ZNF25: variants seen among roughly 807,000 people sequenced by gnomAD.
ZNF25 encodes the protein zinc finger protein 25.
A neutral mutation model predicts 30.9 loss-of-function variants in ZNF25; 21 were observed. That is an observed-to-expected ratio of 0.68 (90% CI 0.48 to 0.98). The LOEUF is 0.98. Among genes scored for constraint, ZNF25 ranks in the 50% least tolerant of loss-of-function variants. ZNF25 has a pLI of 0.00. For synonymous variants in ZNF25, 169 were observed against 181.3 expected (o/e 0.93, Z 0.55); for missense variants, 501 against 529.9 (o/e 0.95, Z 0.54).
chr10:37,953,763 A>G lies in ZNF25; in HGVS notation c.239-5T>C. 1 of 1,612,688 alleles carries G rather than the reference A, an allele frequency of 6.2e-7. No homozygotes were observed. Among genetic ancestry groups the G allele is most frequent in the South Asian group, 1.1e-5 (1 of 90,996 alleles). ...CATGAATGCTCCATAGGTCTTCTAC[A>G]AGGGAACCAAAAATGTAATACTTTA... On this transcript the variant is annotated splice_region_variant and splice_polypyrimidine_tract_variant and intron_variant, in intron 4 of 5. Coordinates refer to ENST00000302609, the MANE Select transcript of ZNF25 (RefSeq NM_145011.4).
intron 2 of ZNF25, among the ~76,000 whole-genome samples, chr10:37,970,279 T>C (rs555249696): frequency 3.9e-4 from 59 of 152,268 alleles, no homozygotes; most frequent in African/African-American, 1.4e-3. Flanking sequence ...TATAAACACA[T>C]TGTGACCAAT....
At chr10:37,972,764 C>T (rs2063564016) in intron 1 of ZNF25, among the ~76,000 whole-genome samples, 1 of 152,160 alleles carries the variant, frequency 6.6e-6, no homozygotes, top group African/African-American at 2.4e-5. Flanking sequence ...TATCTTTGTT[C>T]ACAGATGACA....
intron 2 of ZNF25, among the ~76,000 whole-genome samples, chr10:37,967,592 G>C (rs2063259073): frequency 6.6e-6 from 1 of 151,990 alleles, no homozygotes; most frequent in African/African-American, 2.4e-5. Flanking sequence ...GTATTTTGCA[G>C]AGACAGGGTC....
intron 2 of ZNF25, among the ~76,000 whole-genome samples, chr10:37,958,010 C>T (rs141298802): frequency 1.7e-3 from 254 of 152,288 alleles, no homozygotes; most frequent in African/African-American, 5.3e-3. Context: ...GTGCAGTCAG[C>T]TGTACCATCT....
At chr10:37,966,854 C>T (rs576262483) in intron 2 of ZNF25, among the ~76,000 whole-genome samples, 1 of 152,254 alleles carries the variant, frequency 6.6e-6, no homozygotes, top group East Asian at 1.9e-4. Flanking sequence ...CTTTATCAAA[C>T]ATCACTTTAA....
In ZNF25 at chr10:37,952,762, T is replaced by A; in HGVS notation, c.736A>T (p.Met246Leu). ...CCTGTGTGTGTTTTCTGATGTACCA[T>A]GAGGTATGCCTTCACATAGAAGAAC... ...GKFFYVKAYL[M>L]VHQKTHTGEK... The change falls in exon 6 of 6, where the codon ATG (methionine) becomes TTG (leucine). Residue 246 changes from methionine to leucine, a missense_variant. Physicochemically the swap from Met to Leu is conservative, Grantham distance 15. Coordinates refer to ENST00000302609, the MANE Select transcript of ZNF25 (RefSeq NM_145011.4). 1.2e-6 allele frequency: 2 copies of A among 1,614,074 alleles called. No homozygotes were observed.
At chr10:37,956,934 A>AG (rs2062565052) in intron 4 of ZNF25, 86 bp downstream of exon 4, 3 of 947,744 alleles carry the variant, frequency 3.2e-6, no homozygotes, top group Non-Finnish European at 3.2e-6. Context: ...AAAAAAAAAA[A>AG]GTGAGAGATT....
chr10:37,962,983 T>G (rs1464434266), intron 2 of ZNF25, among the ~76,000 whole-genome samples: 1 of 151,978 alleles, frequency 6.6e-6, no homozygotes, highest in African/African-American at 2.4e-5. Context: ...GCTCTAAGAA[T>G]TGGTCCCTCC....
intron 2 of ZNF25, among the ~76,000 whole-genome samples, chr10:37,960,545 A>G (rs1051084237): frequency 2.1e-5 from 3 of 143,024 alleles, no homozygotes; most frequent in African/African-American, 7.8e-5. Context: ...AATGACGTGA[A>G]CCCAGGAGGT....
intron 1 of ZNF25, among the ~76,000 whole-genome samples, chr10:37,975,486 A>G (rs1366179088): frequency 6.6e-6 from 1 of 152,194 alleles, no homozygotes; most frequent in African/African-American, 2.4e-5. Context: ...AGGCATTATA[A>G]GATCACCACC....
At chr10:37,973,972 T>C (rs1361810958) in intron 1 of ZNF25, among the ~76,000 whole-genome samples, 1 of 152,146 alleles carries the variant, frequency 6.6e-6, no homozygotes, top group Non-Finnish European at 1.5e-5. Context: ...AATAAATACA[T>C]GCATTTATAG....
intron 2 of ZNF25, among the ~76,000 whole-genome samples, chr10:37,958,463 G>T (rs778795848): frequency 5.3e-5 from 8 of 152,156 alleles, no homozygotes; most frequent in Non-Finnish European, 1.2e-4. Flanking sequence ...TAAGGCATAG[G>T]ACCAAGATTA....
At chr10:37,970,483 A>G (rs1433497344) in intron 2 of ZNF25, among the ~76,000 whole-genome samples, 1 of 152,232 alleles carries the variant, frequency 6.6e-6, no homozygotes, top group Non-Finnish European at 1.5e-5. Flanking sequence ...TCATCTGATA[A>G]AAGGCATTTA....
chr10:37,974,878 A>C (rs2063713980), intron 1 of ZNF25, among the ~76,000 whole-genome samples: 1 of 152,234 alleles, frequency 6.6e-6, no homozygotes, highest in Non-Finnish European at 1.5e-5. Context: ...CCATCAATGC[A>C]TGAATAGATA....
Position 37,952,561 on chromosome 10 carries a change from G to T in ZNF25, c.937C>A (p.Pro313Thr), listed in dbSNP as rs760883949. 8 of 1,613,576 alleles carry T rather than the reference G, an allele frequency of 5.0e-6. No individual in the cohort carries two copies. The highest frequency in any genetic ancestry group is 4.2e-6 in the Non-Finnish European group (5 of 1,179,932). Residue 313 changes from proline (P) to threonine (T), a missense_variant, in exon 6 of 6, where the codon CCC (proline) becomes ACC (threonine). Transcript: ENST00000302609. ...TTCCTACATTCCTTACATTCATAGG[G>T]TTTCTCTCCTGTGTGACTTCTCTGA... The part of the protein sequence containing the change: ...THQRSHTGEK[P>T]YECKECRKCF...
intron 2 of ZNF25, among the ~76,000 whole-genome samples, chr10:37,961,459 C>T (rs946780185): frequency 1.3e-5 from 2 of 152,038 alleles, no homozygotes; most frequent in African/African-American, 2.4e-5. Context: ...AGGTTTTGAA[C>T]CTAGAATTCC....
intron 4 of ZNF25, among the ~76,000 whole-genome samples, chr10:37,954,572 G>A (rs1051720975): frequency 3.3e-5 from 5 of 151,966 alleles, no homozygotes; most frequent in African/African-American, 1.2e-4. Context: ...CACTTCTAAC[G>A]CACTTGTTAC....
chr10:37,975,692 T>G (rs1564810568), intron 1 of ZNF25, among the ~76,000 whole-genome samples: 1 of 152,342 alleles, frequency 6.6e-6, no homozygotes, highest in East Asian at 1.9e-4. Flanking sequence ...GGTTGGAGGA[T>G]GCAGGAAGGC....
At chr10:37,975,798 CCA>C (rs1311930627) in intron 1 of ZNF25, among the ~76,000 whole-genome samples, 2 of 152,148 alleles carry the variant, frequency 1.3e-5, no homozygotes, top group Non-Finnish European at 2.9e-5. Context: ...TTCAAGTACA[CCA>C]CACAGCTACG....
Sources: allele counts gnomAD v4.1 joint callset (sites outside exome capture counted in the v4.1 genomes callset), GRCh38; gene constraint gnomAD v4.1.1; transcripts MANE v1.5; gene names NCBI Gene and HGNC (gene_info 2026-07-23, HGNC 2026-07-21).